The following ARNT variants were observed in gnomAD, a reference collection of about 807,000 sequenced individuals.
The protein encoded by ARNT is class E basic helix-loop-helix protein 2.
In ARNT, 30 loss-of-function variants were observed where a neutral mutation model predicts 105.0. The ratio of observed to expected loss-of-function variants is 0.29; its 90% CI spans 0.21 to 0.39. The LOEUF is 0.39. Among genes scored for constraint, ARNT ranks in the 10% least tolerant of loss-of-function variants. The pLI is 1.00. For missense variants in ARNT, 748 were observed against 978.7 expected (o/e 0.76, Z 3.15); for synonymous variants, 304 against 344.0 (o/e 0.88, Z 1.29).
rs1172186701 is a variant in ARNT, at chr1:150,840,943, TTC to T, written c.273-1291_273-1290del. 2.7e-3 allele frequency among the ~76,000 whole-genome samples: 361 copies of T among 132,620 alleles called. 2 individuals carry two copies. Among genetic ancestry groups the T allele is most frequent in the African/African-American group, 8.8e-3 (332 of 37,942 alleles). 87.0% of individuals were successfully genotyped at this position (132,620 alleles called of 152,430 possible). A position where few individuals can be genotyped will look rare whatever the true frequency, so the allele number is the denominator to read the frequency against. On this transcript the variant is annotated intron_variant, in intron 5 of 21. Coordinates refer to ENST00000358595, the MANE Select transcript of ARNT (RefSeq NM_001668.4). ...TCAAATATTTGCCTTATCTCTCTTC[TTC>T]TTTTTTTTTTTTTTTTTTTTTGAGA...
rs1658923647 is a variant in ARNT, at chr1:150,829,470, T to C, written c.1033-243A>G. 2.2e-5 allele frequency: 13 copies of C among 597,698 alleles called. No homozygotes were observed. In the South Asian group the frequency reaches 2.3e-4, roughly 10 times the overall value. 37.0% of individuals were successfully genotyped at this position (597,698 alleles called of 1,614,324 possible). On this transcript the variant is annotated intron_variant, in intron 11 of 21. Transcript: ENST00000358595. ...TAAAGTAAGAATAAAGTTTATTCAA[T>C]CTAAAATCCACATACTGGCTATGCT...
rs768939476 is a variant in ARNT, at chr1:150,852,932, G to C, written c.138-126C>G. On this transcript the variant is annotated intron_variant, in intron 2 of 21. Transcript: ENST00000358595. ...GGAAGAATGGAAAGAGGAAGTGGCAGAAGTCAAACAAAGCTACATTTCCTC... is the reference window on the plus strand; with the variant it reads ...GGAAGAATGGAAAGAGGAAGTGGCACAAGTCAAACAAAGCTACATTTCCTC... 12 of 1,190,464 alleles carry C rather than the reference G, an allele frequency of 1.0e-5. No individual in the cohort carries two copies. In the Admixed American group the frequency reaches 1.1e-4, roughly 10 times the overall value. 73.7% of individuals were successfully genotyped at this position (1,190,464 alleles called of 1,614,324 possible). A position where few individuals can be genotyped will look rare whatever the true frequency, so the allele number is the denominator to read the frequency against.
intron 1 of ARNT, among the ~76,000 whole-genome samples, chr1:150,868,728 C>T (rs1236491104): frequency 6.6e-6 from 1 of 151,806 alleles, no homozygotes; most frequent in South Asian, 2.1e-4. Context: ...GGTGAAACCC[C>T]GTCTCTACTA....
At chr1:150,875,132 C>G (rs1289489885) in intron 1 of ARNT, among the ~76,000 whole-genome samples, 4 of 152,242 alleles carry the variant, frequency 2.6e-5, no homozygotes, top group East Asian at 1.9e-4. Flanking sequence ...CCATAGTTCA[C>G]AGATAGGTTA....
In ARNT at chr1:150,813,283, C is replaced by T; in HGVS notation, c.2169G>A (p.Val723=). ...GQFQTRTAEG[V]GVWPQWQGQQ... ...GGCCCTGCCACTGTGGCCAGACACCCACACCCTCTGCTGTCCGTGTCTGGA... is the reference window on the plus strand; with the variant it reads ...GGCCCTGCCACTGTGGCCAGACACCTACACCCTCTGCTGTCCGTGTCTGGA... The change falls in exon 21 of 22, where the codon GTG becomes GTA. Residue 723 remains valine (V), a synonymous_variant. Coordinates refer to ENST00000358595, the MANE Select transcript of ARNT (RefSeq NM_001668.4). 1 of 1,613,908 alleles carries T rather than the reference C, an allele frequency of 6.2e-7. No homozygotes were observed. Among genetic ancestry groups the T allele is most frequent in the Non-Finnish European group, 8.5e-7 (1 of 1,179,934 alleles).
intron 12 of ARNT, among the ~76,000 whole-genome samples, chr1:150,827,694 T>C (rs1658556729): frequency 6.6e-6 from 1 of 152,190 alleles, no homozygotes; most frequent in South Asian, 2.1e-4. Flanking sequence ...TACTCAGGAA[T>C]AAAATTGCTA....
At chr1:150,860,548 C>G (rs1273020367) in intron 1 of ARNT, among the ~76,000 whole-genome samples, 1 of 151,726 alleles carries the variant, frequency 6.6e-6, no homozygotes, top group Non-Finnish European at 1.5e-5. Flanking sequence ...ATATGCAACA[C>G]AGAATATCCA....
chr1:150,864,284 G>A (rs1666157155), intron 1 of ARNT, among the ~76,000 whole-genome samples: 1 of 152,050 alleles, frequency 6.6e-6, no homozygotes, highest in African/African-American at 2.4e-5. Flanking sequence ...GCAGTCCTTT[G>A]ATGACCAAAG....
chr1:150,869,192 G>A (rs1312439483), intron 1 of ARNT, among the ~76,000 whole-genome samples: 2 of 151,932 alleles, frequency 1.3e-5, no homozygotes, highest in African/African-American at 4.8e-5. Context: ...AATATAGAAT[G>A]TTAGGCTGGG....
Position 150,817,959 on chromosome 1 carries a change from T to C in ARNT, c.1466A>G (p.Asn489Ser). 3.1e-6 allele frequency: 5 copies of C among 1,613,814 alleles called. No individual in the cohort carries two copies. Among genetic ancestry groups the C allele is most frequent in the African/African-American group, 1.3e-5 (1 of 74,950 alleles). The stretch of plus-strand genomic sequence containing the variant: ...TCCTGAGCCCATCTCCAGGGGTAAA[T>C]TAGCTGTGGGACCTAGTTGTGGCCT... ...IQRPQLGPTA[N>S]LPLEMGSGQL... is the part of the protein sequence containing the mutation. Residue 489 changes from asparagine to serine, a missense_variant, in exon 15 of 22, where the codon AAT (asparagine) becomes AGT (serine). By Grantham distance (46) the Asn-to-Ser change is conservative (BLOSUM62 1). Transcript: ENST00000358595.
chr1:150,832,757 G>A (rs1405900888), intron 8 of ARNT, among the ~76,000 whole-genome samples: 2 of 152,112 alleles, frequency 1.3e-5, no homozygotes, highest in Non-Finnish European at 1.5e-5. Flanking sequence ...GTAAAAATAT[G>A]GGCATGGCTA....
chr1:150,847,205 G>A (rs1042998012), intron 3 of ARNT, among the ~76,000 whole-genome samples: 3 of 152,090 alleles, frequency 2.0e-5, no homozygotes, highest in Non-Finnish European at 4.4e-5. Context: ...GCCAACACTG[G>A]GCGGATCACG....
intron 1 of ARNT, among the ~76,000 whole-genome samples, chr1:150,867,285 C>T (rs1238932215): frequency 6.6e-6 from 1 of 151,350 alleles, no homozygotes. Flanking sequence ...ATCCCAGCTA[C>T]TAGGGAGACC....
chr1:150,835,101 T>C (rs1253514646), intron 7 of ARNT, among the ~76,000 whole-genome samples: 4 of 144,756 alleles, frequency 2.8e-5, no homozygotes, highest in African/African-American at 1.0e-4. Flanking sequence ...GAAGAGTCAC[T>C]GTACTCTAGC....
At chr1:150,850,627 C>T (rs957909786) in intron 3 of ARNT, among the ~76,000 whole-genome samples, 1 of 152,224 alleles carries the variant, frequency 6.6e-6, no homozygotes, top group African/African-American at 2.4e-5. Context: ...GATCTCGGCT[C>T]GCTACAACCT....
chr1:150,844,546 C>T (rs745628683), intron 4 of ARNT, among the ~76,000 whole-genome samples: 4 of 152,076 alleles, frequency 2.6e-5, no homozygotes, highest in East Asian at 1.9e-4. Context: ...GCATCAGCAA[C>T]GAACAAATAC....
At position 150,810,296 on chromosome 1, in the gene ARNT, A is replaced by C. The variant is rs904927110; in HGVS notation, c.*1725T>G. 1 of 231,908 alleles carries C rather than the reference A, an allele frequency of 4.3e-6. No homozygotes were observed. The highest frequency in any genetic ancestry group is 2.2e-5 in the African/African-American group (1 of 45,218). 14.4% of individuals were successfully genotyped at this position (231,908 alleles called of 1,614,324 possible). ...TATCCTCCCCTTCCCCAAAAGCCCT[A>C]TAATAACTGTACAATATTATAGTCC... On this transcript the variant is annotated 3_prime_UTR_variant, in exon 22 of 22. Transcript: ENST00000358595.
chr1:150,825,168 G>A (rs1454656217), intron 13 of ARNT, among the ~76,000 whole-genome samples: 1 of 151,930 alleles, frequency 6.6e-6, no homozygotes, highest in Non-Finnish European at 1.5e-5. Context: ...CCAATTTTAG[G>A]TTATTTTAGA....
chr1:150,831,642 C>G (rs1391774521), intron 10 of ARNT, 176 bp downstream of exon 10: 1 of 555,860 alleles, frequency 1.8e-6, no homozygotes, highest in African/African-American at 2.0e-5. Context: ...ATCTCCTCAA[C>G]TGGAATAAAA....
Sources: allele counts gnomAD v4.1 joint callset (sites outside exome capture counted in the v4.1 genomes callset), GRCh38; gene constraint gnomAD v4.1.1; transcripts MANE v1.5; gene names NCBI Gene and HGNC (gene_info 2026-07-23, HGNC 2026-07-21).